Variants in SMAP1 observed in about 807,000 individuals in gnomAD.
The protein encoded by SMAP1 is stromal membrane-associated protein 1.
In SMAP1, 24 loss-of-function variants were observed where a neutral mutation model predicts 58.5. That is an observed-to-expected ratio of 0.41 (90% CI 0.30 to 0.58). SMAP1 has a LOEUF of 0.58. SMAP1 is among the 20% of genes least tolerant of loss of function. The pLI is 0.29. For synonymous variants in SMAP1, 216 were observed against 196.6 expected (o/e 1.10, Z -0.82); for missense variants, 563 against 566.3 (o/e 0.99, Z 0.06).
intron 3 of SMAP1, among the ~76,000 whole-genome samples, chr6:70,769,862 A>G (rs1025456400): frequency 6.6e-6 from 1 of 151,922 alleles, no homozygotes; most frequent in African/African-American, 2.4e-5. Context: ...GGTCTTTACA[A>G]TTTGGCATGT....
chr6:70,859,518 A>AAATT (rs1172836389), intron 10 of SMAP1: 1 of 734,792 alleles, frequency 1.4e-6, no homozygotes, highest in African/African-American at 1.8e-5. Context: ...CAAATGTATT[A>AAATT]AATTAAGAAC....
At chr6:70,771,619 G>A (rs1472432155) in intron 3 of SMAP1, among the ~76,000 whole-genome samples, 1 of 152,184 alleles carries the variant, frequency 6.6e-6, no homozygotes, top group African/African-American at 2.4e-5. Context: ...GCGGTGTTGG[G>A]GTGGGAGTGA....
intron 1 of SMAP1, among the ~76,000 whole-genome samples, chr6:70,729,860 C>G (rs1380820833): frequency 6.6e-6 from 1 of 152,288 alleles, no homozygotes; most frequent in Middle Eastern, 3.4e-3. Flanking sequence ...GCTCTAGAAC[C>G]TTGCTCTTCA....
intron 2 of SMAP1, among the ~76,000 whole-genome samples, chr6:70,749,748 A>G (rs1185349178): frequency 6.6e-6 from 1 of 152,206 alleles, no homozygotes; most frequent in Non-Finnish European, 1.5e-5. Context: ...ACTTCTTAGC[A>G]TCTGAGGGAC....
chr6:70,856,891 G>A lies in SMAP1; in HGVS notation c.822G>A (p.Leu274=). The A allele has an allele frequency of 6.2e-7, 1 of 1,613,600 alleles. No individual in the cohort carries two copies. The highest frequency in any genetic ancestry group is 8.5e-7 in the Non-Finnish European group (1 of 1,179,698). The part of the protein sequence containing the change: ...GTPSAPAAAT[L]STVTSGDLDL... ...CCTCTGCACCAGCAGCTGCAACCCT[G>A]TCTACAGTAACATCTGGGGATCTAG... Residue 274 remains leucine (L), a synonymous_variant, in exon 9 of 11, where the codon CTG becomes CTA. Transcript: ENST00000370455.
intron 7 of SMAP1, among the ~76,000 whole-genome samples, chr6:70,837,385 T>C (rs770858249): frequency 1.1e-4 from 17 of 152,142 alleles, no homozygotes; most frequent in Admixed American, 4.6e-4. Flanking sequence ...GGGGGATTTT[T>C]CCTCTTAGCA....
intron 4 of SMAP1, among the ~76,000 whole-genome samples, chr6:70,777,818 T>G (rs1767606702): frequency 6.6e-6 from 1 of 151,896 alleles, no homozygotes; most frequent in Non-Finnish European, 1.5e-5. Flanking sequence ...AATGGTGCAA[T>G]CTCAGCTCCC....
chr6:70,843,155 C>T (rs1214036029), intron 7 of SMAP1, among the ~76,000 whole-genome samples: 1 of 120,064 alleles, frequency 8.3e-6, no homozygotes, highest in African/African-American at 3.5e-5. Context: ...CACACACACT[C>T]CCCCCCCCCT....
chr6:70,843,473 A>G (rs951044070), intron 7 of SMAP1, among the ~76,000 whole-genome samples: 4 of 152,202 alleles, frequency 2.6e-5, no homozygotes, highest in African/African-American at 7.2e-5. Context: ...TCGCTTTTAT[A>G]GAAGAGAAAA....
At chr6:70,670,850 A>G (rs1010860055) in intron 1 of SMAP1, among the ~76,000 whole-genome samples, 1 of 152,186 alleles carries the variant, frequency 6.6e-6, no homozygotes, top group Non-Finnish European at 1.5e-5. Context: ...GGGTTTTGAC[A>G]TTTTCTTACT....
intron 2 of SMAP1, among the ~76,000 whole-genome samples, chr6:70,743,929 G>A (rs1177857582): frequency 6.8e-6 from 1 of 146,470 alleles, no homozygotes; most frequent in African/African-American, 2.4e-5. Context: ...AATCCATTTG[G>A]AAAAAAGTAT....
At chr6:70,755,206 G>A in intron 3 of SMAP1, 141 bp downstream of exon 3, 1 of 667,740 alleles carries the variant, frequency 1.5e-6, no homozygotes, top group Admixed American at 2.6e-5. Context: ...CTTGCTGTGA[G>A]CTGTGCTTTG....
chr6:70,796,036 C>T (rs1024782037), intron 5 of SMAP1, among the ~76,000 whole-genome samples: 3 of 152,146 alleles, frequency 2.0e-5, no homozygotes, highest in Admixed American at 2.0e-4. Context: ...GCCTCCTTCT[C>T]AACATATTAA....
intron 1 of SMAP1, among the ~76,000 whole-genome samples, chr6:70,728,623 CAG>C (rs1267376220): frequency 6.6e-6 from 1 of 152,080 alleles, no homozygotes; most frequent in East Asian, 1.9e-4. Context: ...CTTTAGGAGA[CAG>C]AACTAATTAC....
chr6:70,777,844 C>T (rs924337573), intron 4 of SMAP1, among the ~76,000 whole-genome samples: 1 of 152,000 alleles, frequency 6.6e-6, no homozygotes, highest in Non-Finnish European at 1.5e-5. Flanking sequence ...CCTCCGCCTC[C>T]TGGGTTCAAG....
intron 8 of SMAP1, among the ~76,000 whole-genome samples, chr6:70,853,066 C>A (rs190620907): frequency 6.6e-6 from 1 of 152,288 alleles, no homozygotes; most frequent in East Asian, 1.9e-4. Flanking sequence ...AGGTCACTTA[C>A]TTCAGAGCTT....
chr6:70,817,030 C>G (rs967896747), intron 6 of SMAP1, among the ~76,000 whole-genome samples: 16 of 151,750 alleles, frequency 1.1e-4, no homozygotes, highest in African/African-American at 3.6e-4. Flanking sequence ...CCAGTTCCAT[C>G]TCTTCCCACT....
intron 6 of SMAP1, among the ~76,000 whole-genome samples, chr6:70,805,497 C>T (rs1769084434): frequency 6.6e-6 from 1 of 152,170 alleles, no homozygotes; most frequent in Non-Finnish European, 1.5e-5. Context: ...TTGAAGCCTA[C>T]TTCAGTCAAC....
rs570061216 is a variant in SMAP1, at chr6:70,686,271, A to G, written c.118+18130A>G. On this transcript the variant is annotated intron_variant, in intron 1 of 10. Transcript: ENST00000370455. ...CTTAGGCAGTCCTTTACCATTTTTA[A>G]CACCTTTGCCACATTTCATTGCTTG... 3.9e-5 allele frequency among the ~76,000 whole-genome samples: 6 copies of G among 152,160 alleles called. No individual in the cohort carries two copies. In the East Asian group the frequency reaches 1.2e-3, roughly 29 times the overall value.
Sources: gnomAD v4.1 joint callset for allele counts (sites outside exome capture counted in the v4.1 genomes callset) on GRCh38, gnomAD v4.1.1 for gene constraint, MANE v1.5 for transcripts, NCBI Gene and HGNC (gene_info 2026-07-23, HGNC 2026-07-21) for gene names.